KIAA0825: variants seen among roughly 807,000 people sequenced by gnomAD.
KIAA0825 encodes uncharacterized protein KIAA0825.
A neutral mutation model predicts 147.6 loss-of-function variants in KIAA0825; 119 were observed. That is an observed-to-expected ratio of 0.81 (90% confidence interval 0.69 to 0.94). The LOEUF (loss-of-function observed/expected upper bound fraction) is 0.94. Among genes scored for constraint, KIAA0825 ranks in the 40% least tolerant of loss-of-function variants. KIAA0825 has a pLI of 0.00. For missense variants in KIAA0825, 1,381 were observed against 1,472.7 expected, an observed-to-expected ratio of 0.94 and a Z score of 1.02; for synonymous variants, 470 against 518.1, an observed-to-expected ratio of 0.91 and a Z score of 1.26.
Position 94,569,282 on chromosome 5 carries a change from C to A in KIAA0825, c.-2+13151G>T, listed in dbSNP as rs1434617397. The stretch of plus-strand genomic sequence containing the variant: ...GTGTACCCAAAAACAACCATTATAC[C>A]CCCTAAATAAATTTAAAAAAACCAT... On this transcript the variant is annotated intron_variant, in intron 2 of 20. Coordinates refer to ENST00000682413, the MANE Select transcript of KIAA0825 (RefSeq NM_001145678.3). The A allele has an allele frequency of 6.6e-5, 19 of 288,724 alleles. No individual in the cohort carries two copies. The East Asian group carries it at 9.3e-4, about 14-fold the overall frequency. The allele number at this position is 288,724 out of a possible 1,614,324, so 17.9% of individuals were successfully genotyped here.
chr5:94,477,493 C>T (rs969068135), intron 6 of KIAA0825, among the ~76,000 whole-genome samples: 6 of 151,748 alleles, frequency 4.0e-5, no homozygotes, highest in South Asian at 2.1e-4. Flanking sequence ...TGTACATAAA[C>T]GTATAATCTT....
chr5:94,485,231 T>C (rs1179824472), intron 5 of KIAA0825, among the ~76,000 whole-genome samples: 1 of 151,746 alleles, frequency 6.6e-6, no homozygotes, highest in Admixed American at 6.6e-5. Context: ...CTGCTTTTTT[T>C]TTTCGGTCTG....
At chr5:94,592,659 G>T (rs376150118) in intron 1 of KIAA0825, 10 of 262,168 alleles carry the variant, frequency 3.8e-5, no homozygotes, top group East Asian at 3.2e-4. Flanking sequence ...TACAGTTATC[G>T]TAATGGAAGC....
At chr5:94,616,469 T>C (rs1453897225) in intron 1 of KIAA0825, among the ~76,000 whole-genome samples, 1 of 152,180 alleles carries the variant, frequency 6.6e-6, no homozygotes, top group African/African-American at 2.4e-5. Context: ...AATAATTCCT[T>C]ATAAATCATT....
In KIAA0825 at chr5:94,456,579, A is replaced by G. The variant is rs141194762; in HGVS notation, c.2247-3510T>C. 4.5e-3 allele frequency among the ~76,000 whole-genome samples: 679 copies of G among 152,326 alleles called. 1 individual carries two copies. Among genetic ancestry groups the G allele is most frequent in the Non-Finnish European group, 6.7e-3 (457 of 68,038 alleles). ...CCGGAGCCAGAGAGCCTGGGCTTAT[A>G]TCCTTAACATGCTTTTATTAACAGG... On this transcript the variant is annotated intron_variant, in intron 12 of 20. Coordinates refer to ENST00000682413, the MANE Select transcript of KIAA0825 (RefSeq NM_001145678.3).
intron 20 of KIAA0825, among the ~76,000 whole-genome samples, chr5:94,228,837 G>A (rs1040849815): frequency 6.6e-5 from 10 of 152,154 alleles, no homozygotes; most frequent in Admixed American, 5.2e-4. Flanking sequence ...TTTTCAACAT[G>A]TTCTGTGTCA....
At chr5:94,512,838 G>C (rs1196484094) in intron 5 of KIAA0825, among the ~76,000 whole-genome samples, 1 of 152,154 alleles carries the variant, frequency 6.6e-6, no homozygotes, top group Non-Finnish European at 1.5e-5. Context: ...GAAGGTTGCA[G>C]TGAGCTGAGA....
chr5:94,531,278 T>C (rs192311396), intron 3 of KIAA0825, among the ~76,000 whole-genome samples: 2 of 152,310 alleles, frequency 1.3e-5, no homozygotes, highest in East Asian at 1.9e-4. Context: ...ACACACTATG[T>C]ATGATGACGG....
At chr5:94,603,479 G>A (rs763807606) in intron 1 of KIAA0825, among the ~76,000 whole-genome samples, 15 of 152,192 alleles carry the variant, frequency 9.9e-5, no homozygotes, top group Non-Finnish European at 1.5e-4. Context: ...ACACACTAAC[G>A]TACACAGACC....
chr5:94,435,114 T>A (rs892561019), intron 14 of KIAA0825, among the ~76,000 whole-genome samples: 34 of 152,134 alleles, frequency 2.2e-4, no homozygotes, highest in African/African-American at 7.5e-4. Context: ...AAAAAACCAC[T>A]ATTTTTTTTT....
At chr5:94,546,781 T>C (rs1384980121) in intron 2 of KIAA0825, among the ~76,000 whole-genome samples, 1 of 128,994 alleles carries the variant, frequency 7.8e-6, no homozygotes, top group Non-Finnish European at 1.6e-5. Context: ...AATTATTCTA[T>C]GTCCAGGCAC....
chr5:94,270,747 A>G (rs761194550), intron 20 of KIAA0825, among the ~76,000 whole-genome samples: 14 of 152,188 alleles, frequency 9.2e-5, no homozygotes, highest in Admixed American at 6.5e-5. Context: ...AATAGTCAGA[A>G]AGAAAAATAC....
intron 2 of KIAA0825, chr5:94,569,351 C>A: frequency 5.4e-6 from 2 of 367,070 alleles, no homozygotes; most frequent in South Asian, 1.4e-4. Context: ...AATGATACAC[C>A]CAACCACACC....
chr5:94,317,534 G>A (rs1466030230), intron 20 of KIAA0825, among the ~76,000 whole-genome samples: 1 of 151,782 alleles, frequency 6.6e-6, no homozygotes, highest in East Asian at 1.9e-4. Context: ...CAACTCCAGG[G>A]CTATAACTTA....
intron 20 of KIAA0825, among the ~76,000 whole-genome samples, chr5:94,178,167 T>C (rs1562297289): frequency 6.6e-6 from 1 of 152,062 alleles, no homozygotes; most frequent in Non-Finnish European, 1.5e-5. Context: ...TAGTATTCCA[T>C]AGCCTTACTA....
At chr5:94,364,571 A>G (rs34700909) in intron 20 of KIAA0825, among the ~76,000 whole-genome samples, 1 of 151,406 alleles carries the variant, frequency 6.6e-6, no homozygotes, top group Admixed American at 6.6e-5. Flanking sequence ...TTTAGTAGAG[A>G]CGGGGTTTCA....
At chr5:94,337,818 G>T (rs930863458) in intron 20 of KIAA0825, among the ~76,000 whole-genome samples, 3 of 152,208 alleles carry the variant, frequency 2.0e-5, no homozygotes, top group Non-Finnish European at 2.9e-5. Context: ...TGCAGGAGTT[G>T]TAGGCCAGAT....
At chr5:94,371,229 G>C (rs1746663193) in intron 20 of KIAA0825, among the ~76,000 whole-genome samples, 1 of 152,086 alleles carries the variant, frequency 6.6e-6, no homozygotes, top group African/African-American at 2.4e-5. Flanking sequence ...AAAAAGCTCA[G>C]GTTTAGAGCT....
chr5:94,580,184 C>T (rs1781817189), intron 2 of KIAA0825, among the ~76,000 whole-genome samples: 1 of 151,988 alleles, frequency 6.6e-6, no homozygotes, highest in South Asian at 2.1e-4. Flanking sequence ...AAAAGAAAGA[C>T]TAATGTTTAC....
Sources: gnomAD v4.1 joint callset for allele counts (sites outside exome capture counted in the v4.1 genomes callset) on GRCh38, gnomAD v4.1.1 for gene constraint, MANE v1.5 for transcripts, NCBI Gene and HGNC (gene_info 2026-07-23, HGNC 2026-07-21) for gene names.